MDFIC: variants seen among roughly 807,000 people sequenced by gnomAD.
MDFIC encodes MyoD family inhibitor domain containing.
A neutral mutation model predicts 23.2 loss-of-function variants in MDFIC; 17 were observed. The ratio of observed to expected loss-of-function variants is 0.73; its 90% CI spans 0.50 to 1.10. The LOEUF (loss-of-function observed/expected upper bound fraction) is 1.10. Among genes scored for constraint, MDFIC ranks in the 50% least tolerant of loss-of-function variants. The probability of loss-of-function intolerance (pLI) is 0.00; values close to 1 mark genes in which losing one functional copy is unlikely to be tolerated. For synonymous variants in MDFIC, 120 were observed against 115.2 expected (o/e 1.04, Z -0.27); for missense variants, 356 against 316.6 (o/e 1.12, Z -0.95).
At chr7:114,995,589 T>C (rs1208017829) in intron 4 of MDFIC, among the ~76,000 whole-genome samples, 2 of 152,234 alleles carry the variant, frequency 1.3e-5, no homozygotes, top group African/African-American at 2.4e-5. Context: ...TGCAGGTCTG[T>C]TGGAGTTTGC....
chr7:114,969,487 A>G (rs1256745141), intron 3 of MDFIC, among the ~76,000 whole-genome samples: 1 of 152,190 alleles, frequency 6.6e-6, no homozygotes, highest in Non-Finnish European at 1.5e-5. Flanking sequence ...AAGGAACTCT[A>G]TATAATAATC....
chr7:115,003,587 A>T (rs1034700635), intron 4 of MDFIC, among the ~76,000 whole-genome samples: 5 of 151,936 alleles, frequency 3.3e-5, no homozygotes, highest in African/African-American at 1.2e-4. Context: ...CTATATTATC[A>T]CTGCATGTCG....
chr7:115,011,802 C>G (rs1322193965), intron 4 of MDFIC, among the ~76,000 whole-genome samples: 1 of 152,196 alleles, frequency 6.6e-6, no homozygotes, highest in Non-Finnish European at 1.5e-5. Flanking sequence ...TCCCATCTCT[C>G]TTCATCCTCA....
intron 3 of MDFIC, among the ~76,000 whole-genome samples, chr7:114,946,626 T>C (rs142129553): frequency 6.6e-6 from 1 of 152,344 alleles, no homozygotes; most frequent in African/African-American, 2.4e-5. Flanking sequence ...TCTACTTAAA[T>C]GGTAATCCCC....
intron 3 of MDFIC, among the ~76,000 whole-genome samples, chr7:114,950,590 A>G (rs1005629204): frequency 6.6e-6 from 1 of 152,194 alleles, no homozygotes; most frequent in Non-Finnish European, 1.5e-5. Context: ...AAAATATGGG[A>G]AGAGAAGATG....
intron 2 of MDFIC, among the ~76,000 whole-genome samples, chr7:114,940,098 A>C (rs1326021116): frequency 6.6e-6 from 1 of 152,248 alleles, no homozygotes; most frequent in Non-Finnish European, 1.5e-5. Context: ...TATCTCATGA[A>C]GATTACATTT....
chr7:114,922,356 G>T lies in MDFIC; in HGVS notation c.-388G>T. ...GGAAGAGGGGAAAGAGAGGCAGAGAGGGGGAAGGCCCCCTCGCAGGGGAGC... is the reference window on the plus strand; with the variant it reads ...GGAAGAGGGGAAAGAGAGGCAGAGATGGGGAAGGCCCCCTCGCAGGGGAGC... On this transcript the variant is annotated 5_prime_UTR_variant, in exon 1 of 5. The change creates a new upstream start codon in the 5' untranslated region. Transcript: ENST00000393486. 8.3e-7 allele frequency: 1 copy of T among 1,199,990 alleles called. No individual in the cohort carries two copies. Among genetic ancestry groups the T allele is most frequent in the Non-Finnish European group, 1.0e-6 (1 of 958,090 alleles). 74.3% of individuals were successfully genotyped at this position (1,199,990 alleles called of 1,614,324 possible). A position where few individuals can be genotyped will look rare whatever the true frequency, so the allele number is the denominator to read the frequency against.
At chr7:115,007,630 G>GTGTGTATATATATATATATATA (rs369718965) in intron 4 of MDFIC, among the ~76,000 whole-genome samples, 1 of 132,876 alleles carries the variant, frequency 7.5e-6, no homozygotes, top group African/African-American at 3.1e-5. Flanking sequence ...GCGTGTGTGT[G>GTGTGTATATATATATATATATA]TATATATATA....
chr7:114,936,123 G>GGTGT, intron 2 of MDFIC, among the ~76,000 whole-genome samples: 1 of 152,070 alleles, frequency 6.6e-6, no homozygotes, highest in Non-Finnish European at 1.5e-5. Flanking sequence ...AACTTGCCCA[G>GGTGT]GATCCACATC....
intron 3 of MDFIC, among the ~76,000 whole-genome samples, chr7:114,956,389 A>G (rs1437511713): frequency 1.3e-5 from 2 of 151,792 alleles, no homozygotes; most frequent in Non-Finnish European, 2.9e-5. Context: ...ACATATATAT[A>G]CACACATATA....
At chr7:114,923,480 C>T in intron 2 of MDFIC, 2 of 1,537,886 alleles carry the variant, frequency 1.3e-6, no homozygotes, top group African/African-American at 1.4e-5. Context: ...AGATCCAGGA[C>T]TGCCGCAGCT....
At position 114,923,885 on chromosome 7, in the gene MDFIC, T is replaced by A. The variant is rs1435896422; in HGVS notation, c.94+758T>A. On this transcript the variant is annotated intron_variant, in intron 2 of 4. Coordinates refer to ENST00000393486, the MANE Select transcript of MDFIC (RefSeq NM_001166345.3). ...GATGGTTTTGAGCTAAAGAATTCTG[T>A]CACTGATATATCAGAACTAAGTAAT... Among the ~76,000 whole-genome samples, 3 of 152,240 alleles carry A rather than the reference T, an allele frequency of 2.0e-5. No individual in the cohort carries two copies. The South Asian group carries it at 6.2e-4, about 31-fold the overall frequency.
Position 115,018,075 on chromosome 7 carries a change from GATCTGAAT to G in MDFIC, c.*2143_*2150del, listed in dbSNP as rs1329217258. 6.6e-6 allele frequency: 1 copy of G among 151,796 alleles called. No individual in the cohort carries two copies. The highest frequency in any genetic ancestry group is 2.4e-5 in the African/African-American group (1 of 41,372). The allele number at this position is 151,796 out of a possible 1,614,324, so 9.4% of individuals were successfully genotyped here. ...CACATACAAAACCTTTAAATTTTGGGATCTGAATATAATTCTGGTAAACAGCTGTCTTC... is the reference window on the plus strand; with the variant it reads ...CACATACAAAACCTTTAAATTTTGGGATAATTCTGGTAAACAGCTGTCTTC... On this transcript the variant is annotated 3_prime_UTR_variant, in exon 5 of 5. Coordinates refer to ENST00000393486, the MANE Select transcript of MDFIC (RefSeq NM_001166345.3).
chr7:114,954,154 T>C (rs1283404191), intron 3 of MDFIC, among the ~76,000 whole-genome samples: 1 of 152,238 alleles, frequency 6.6e-6, no homozygotes, highest in Admixed American at 6.5e-5. Flanking sequence ...CATATTGATA[T>C]ACCTTGGACT....
At chr7:114,966,064 T>C (rs1793088890) in intron 3 of MDFIC, among the ~76,000 whole-genome samples, 1 of 152,204 alleles carries the variant, frequency 6.6e-6, no homozygotes, top group Non-Finnish European at 1.5e-5. Context: ...AAAGTTACTT[T>C]AGTGTTTCAC....
Position 114,922,648 on chromosome 7 carries a change from T to C in MDFIC, c.-108+12T>C. The C allele has an allele frequency of 3.8e-6, 5 of 1,308,020 alleles. No individual in the cohort carries two copies. The highest frequency in any genetic ancestry group is 4.9e-6 in the Non-Finnish European group (5 of 1,024,128). 81.0% of individuals were successfully genotyped at this position (1,308,020 alleles called of 1,614,324 possible). ...GGGGGGATGCGGAGGTAGGTAGTGG[T>C]CTCCGGGCGGGGAAGAGGAGGGGTT... On this transcript the variant is annotated intron_variant, in intron 1 of 4. Coordinates refer to ENST00000393486, the MANE Select transcript of MDFIC (RefSeq NM_001166345.3).
Position 114,979,522 on chromosome 7 carries a change from G to T in MDFIC, c.234G>T (p.Leu78Phe). The T allele has an allele frequency of 6.2e-7, 1 of 1,611,496 alleles. No homozygotes were observed. Among genetic ancestry groups the T allele is most frequent in the Non-Finnish European group, 8.5e-7 (1 of 1,178,306 alleles). The change falls in exon 4 of 5, where the codon TTG becomes TTT. Residue 78 changes from leucine (L) to phenylalanine (F), a missense_variant. Leu to Phe is a conservative substitution (Grantham distance 22). Coordinates refer to ENST00000393486, the MANE Select transcript of MDFIC (RefSeq NM_001166345.3). ...GELIRTQPQR[L>F]PQLQTSAQVP... The stretch of plus-strand genomic sequence containing the variant: ...TTAATTTAGCCCAACCTCAGCGCTT[G>T]CCTCAGCTTCAGACTTCAGCCCAGG...
At chr7:114,994,004 A>C (rs185839842) in intron 4 of MDFIC, among the ~76,000 whole-genome samples, 1 of 152,070 alleles carries the variant, frequency 6.6e-6, no homozygotes, top group East Asian at 1.9e-4. Context: ...GTAGGTCTCT[A>C]AGGAGTTGCT....
At chr7:114,969,874 G>C (rs1435450331) in intron 3 of MDFIC, among the ~76,000 whole-genome samples, 2 of 152,206 alleles carry the variant, frequency 1.3e-5, no homozygotes, top group Admixed American at 6.5e-5. Flanking sequence ...ACCTCTAGGT[G>C]ATGTTTGTTC....
Sources: allele counts gnomAD v4.1 joint callset (sites outside exome capture counted in the v4.1 genomes callset), GRCh38; gene constraint gnomAD v4.1.1; transcripts MANE v1.5; gene names NCBI Gene and HGNC (gene_info 2026-07-23, HGNC 2026-07-21).